GRID1: variants seen among roughly 807,000 people sequenced by gnomAD.
GRID1 encodes glutamate receptor ionotropic, delta-1.
A neutral mutation model predicts 98.0 loss-of-function variants in GRID1; 28 were observed. The observed-to-expected ratio is 0.29, with a 90% confidence interval of 0.21 to 0.39. The LOEUF is 0.39. Among genes scored for constraint, GRID1 ranks in the 10% least tolerant of loss-of-function variants. The probability of loss-of-function intolerance (pLI) is 1.00; values close to 1 mark genes in which losing one functional copy is unlikely to be tolerated. For missense variants in GRID1, 1,111 were observed against 1,340.5 expected, an observed-to-expected ratio of 0.83 and a Z score of 2.67; for synonymous variants, 553 against 538.5, an observed-to-expected ratio of 1.03 and a Z score of -0.37.
intron 8 of GRID1, among the ~76,000 whole-genome samples, chr10:85,732,346 C>T (rs1841835162): frequency 6.6e-6 from 1 of 152,190 alleles, no homozygotes; most frequent in Non-Finnish European, 1.5e-5. Context: ...TCTTATCCTG[C>T]ACCAGGACCC....
rs1412782955 is a variant in GRID1 at position 85,869,019 on chromosome 10, C to T, written c.942G>A (p.Gln314=). 1 of 1,613,616 alleles carries T rather than the reference C, an allele frequency of 6.2e-7. No homozygotes were observed. The highest frequency in any genetic ancestry group is 2.2e-5 in the East Asian group (1 of 44,872). ...LLCDPQEGYL[Q]MLQISNLYLY... ...GAGGCTGAGCACTGACCTGCAGCAT[C>T]TGGAGGTAGCCTTCCTGGGGGTCGC... The change falls in exon 6 of 16, where the codon CAG becomes CAA. Residue 314 remains glutamine (Q), a synonymous_variant. Transcript: ENST00000327946.
chr10:85,972,979 T>C (rs1162588925), intron 4 of GRID1, among the ~76,000 whole-genome samples: 10 of 152,362 alleles, frequency 6.6e-5, no homozygotes, highest in Non-Finnish European at 1.3e-4. Flanking sequence ...TGAAATTCAC[T>C]GGTTATTCCT....
At chr10:85,725,935 G>A (rs1224786122) in intron 10 of GRID1, among the ~76,000 whole-genome samples, 1 of 152,166 alleles carries the variant, frequency 6.6e-6, no homozygotes, top group East Asian at 1.9e-4. Context: ...TTTAGGATTA[G>A]GAAAGTTTGG....
At chr10:86,103,050 T>C (rs769629419) in intron 4 of GRID1, among the ~76,000 whole-genome samples, 6 of 152,216 alleles carry the variant, frequency 3.9e-5, no homozygotes, top group Non-Finnish European at 7.3e-5. Flanking sequence ...TCCCTAGCCA[T>C]GTGGAACTGT....
intron 4 of GRID1, among the ~76,000 whole-genome samples, chr10:86,050,372 T>G (rs932802506): frequency 3.3e-5 from 5 of 152,240 alleles, no homozygotes; most frequent in Non-Finnish European, 7.3e-5. Context: ...TAAACATTTA[T>G]TTATTTAATA....
intron 4 of GRID1, among the ~76,000 whole-genome samples, chr10:86,117,874 C>T (rs1844607908): frequency 6.6e-6 from 1 of 152,232 alleles, no homozygotes; most frequent in Non-Finnish European, 1.5e-5. Flanking sequence ...ACTAGTACCA[C>T]CTCTATGGAC....
At chr10:86,021,453 TTTTG>T (rs960145808) in intron 4 of GRID1, among the ~76,000 whole-genome samples, 6 of 152,158 alleles carry the variant, frequency 3.9e-5, no homozygotes, top group African/African-American at 7.2e-5. Flanking sequence ...TGTTTAGGGT[TTTTG>T]TTTGTTTGTT....
chr10:86,088,864 A>G (rs1411114386), intron 4 of GRID1, among the ~76,000 whole-genome samples: 2 of 151,812 alleles, frequency 1.3e-5, no homozygotes, highest in African/African-American at 4.8e-5. Context: ...GCAGCAGAAA[A>G]CTCAGCAACC....
chr10:86,105,395 C>T (rs1480852689), intron 4 of GRID1, among the ~76,000 whole-genome samples: 1 of 152,184 alleles, frequency 6.6e-6, no homozygotes. Context: ...CGGTCAGAAG[C>T]ATGGTCTGTC....
chr10:85,793,879 C>A lies in GRID1; in HGVS notation c.1233+60617G>T, dbSNP rs138741756. On this transcript the variant is annotated intron_variant, in intron 8 of 15. Transcript: ENST00000327946. ...TAGTCCTGGGTCCTACCAGGAATGACAACAAGAACAAAAGCCCTGCATTAA... is the reference window on the plus strand; with the variant it reads ...TAGTCCTGGGTCCTACCAGGAATGAAAACAAGAACAAAAGCCCTGCATTAA... Among the ~76,000 whole-genome samples the A allele has an allele frequency of 7.9e-5, 12 of 151,936 alleles. No individual in the cohort carries two copies. The East Asian group carries it at 2.1e-3, about 27-fold the overall frequency.
In GRID1 at chr10:86,139,043, G is replaced by A; in HGVS notation, c.521-19C>T. 6.3e-7 allele frequency: 1 copy of A among 1,579,822 alleles called. No homozygotes were observed. The stretch of plus-strand genomic sequence containing the variant: ...CGGATATCTGAGCAGTGAGAGAAGA[G>A]GAGGAAAAGAAAAATCATCTTTAAG... On this transcript the variant is annotated intron_variant, in intron 3 of 15. Coordinates refer to ENST00000327946, the MANE Select transcript of GRID1 (RefSeq NM_017551.3).
chr10:86,160,447 A>G (rs962038016), intron 3 of GRID1, among the ~76,000 whole-genome samples: 22 of 152,214 alleles, frequency 1.4e-4, no homozygotes, highest in Admixed American at 5.2e-4. Context: ...AGTTTGCAGA[A>G]TTATGCCAAC....
chr10:85,770,479 G>T (rs1290928394), intron 8 of GRID1, among the ~76,000 whole-genome samples: 1 of 152,252 alleles, frequency 6.6e-6, no homozygotes, highest in African/African-American at 2.4e-5. Context: ...GACGGAGAAT[G>T]CCTTTGACAA....
chr10:85,659,923 G>C (rs1224295845), intron 12 of GRID1, among the ~76,000 whole-genome samples: 1 of 152,208 alleles, frequency 6.6e-6, no homozygotes, highest in Non-Finnish European at 1.5e-5. Context: ...TGAGCTTGTT[G>C]AGCTGTTGAT....
At chr10:85,635,236 ATAAGGGAGGC>A (rs1843024820) in intron 13 of GRID1, among the ~76,000 whole-genome samples, 1 of 152,198 alleles carries the variant, frequency 6.6e-6, no homozygotes, top group African/African-American at 2.4e-5. Context: ...GAATAATTTA[ATAAGGGAGGC>A]ACAGTGGGGG....
At chr10:85,825,751 A>G (rs1842813666) in intron 8 of GRID1, among the ~76,000 whole-genome samples, 1 of 152,198 alleles carries the variant, frequency 6.6e-6, no homozygotes, top group Non-Finnish European at 1.5e-5. Context: ...AATGCAATAG[A>G]AAACATAATC....
At position 86,346,161 on chromosome 10, in the gene GRID1, C is replaced by T. The variant is rs368049445; in HGVS notation, c.235+17780G>A. On this transcript the variant is annotated intron_variant, in intron 2 of 15. Transcript: ENST00000327946. ...CCATAGTATGCAGAGTGTCCAGACA[C>T]GCTGCTGGGTGTGGCCTGCCAGGGC... Among the ~76,000 whole-genome samples, 35 of 152,344 alleles carry T rather than the reference C, an allele frequency of 2.3e-4. No homozygotes were observed. The South Asian group carries it at 6.0e-3, about 26-fold the overall frequency.
intron 8 of GRID1, among the ~76,000 whole-genome samples, chr10:85,770,865 T>A (rs1395495972): frequency 1.3e-5 from 2 of 152,186 alleles, no homozygotes; most frequent in East Asian, 3.9e-4. Context: ...TACCTGAAAG[T>A]GACGGGGAGA....
chr10:86,091,398 C>G (rs1356968439), intron 4 of GRID1, among the ~76,000 whole-genome samples: 1 of 152,018 alleles, frequency 6.6e-6, no homozygotes, highest in African/African-American at 2.4e-5. Context: ...CATAACTCAT[C>G]AGAGGCAGCC....
Sources: gnomAD v4.1 joint callset for allele counts (sites outside exome capture counted in the v4.1 genomes callset) on GRCh38, gnomAD v4.1.1 for gene constraint, MANE v1.5 for transcripts, NCBI Gene and HGNC (gene_info 2026-07-23, HGNC 2026-07-21) for gene names.